PLP1: variants seen among roughly 807,000 people sequenced by gnomAD.
PLP1 encodes the protein proteolipid protein 1.
PLP1 carries 2 observed loss-of-function variants against 18.5 expected under a neutral mutation model. The ratio of observed to expected loss-of-function variants is 0.11; its 90% CI spans 0.04 to 0.34. PLP1 has a LOEUF of 0.34. PLP1 is among the 10% of genes least tolerant of loss of function. The probability of loss-of-function intolerance (pLI) is 1.00; values close to 1 mark genes in which losing one functional copy is unlikely to be tolerated. For synonymous variants in PLP1, 86 were observed against 83.2 expected, an observed-to-expected ratio of 1.03 and a Z score of -0.19; for missense variants, 105 against 207.3, an observed-to-expected ratio of 0.51 and a Z score of 3.03.
rs747254687 is a variant in PLP1 at position 103,785,779 on chromosome X, G to A, written c.191+11G>A. 8.4e-7 allele frequency: 1 copy of A among 1,185,807 alleles called. No homozygotes were observed. Among genetic ancestry groups the A allele is most frequent in the Non-Finnish European group, 1.1e-6 (1 of 871,896 alleles). On this transcript the variant is annotated intron_variant, in intron 2 of 6. Transcript: ENST00000621218. The stretch of plus-strand genomic sequence containing the variant: ...GTATCTCATCAATGTGTAAGTACCT[G>A]CCCTCCCACACAGACCCATCTTTTT...
In PLP1 at chrX:103,785,948, A is replaced by G; in HGVS notation, c.191+180A>G. 7 of 703,753 alleles carry G rather than the reference A, an allele frequency of 9.9e-6. No individual in the cohort carries two copies. In the South Asian group the frequency reaches 1.9e-4, roughly 19 times the overall value. The allele number at this position is 703,753 out of a possible 1,213,427, so 58.0% of individuals were successfully genotyped here. ...CACATTCGAAGCCCATTCAGAAAGG[A>G]GGGGTCTGCCTGCCTGCCTGTCAGC... is the stretch of plus-strand genomic sequence containing the variant. On this transcript the variant is annotated intron_variant, in intron 2 of 6. Transcript: ENST00000621218.
chrX:103,778,115 C>T (rs906651491), intron 1 of PLP1, among the ~76,000 whole-genome samples: 4 of 112,073 alleles, frequency 3.6e-5, no homozygotes, highest in African/African-American at 1.3e-4. Flanking sequence ...AATCCCAGAT[C>T]TGCTACTTAT....
chrX:103,786,136 A>G, intron 2 of PLP1: 1 of 1,098,353 alleles, frequency 9.1e-7, no homozygotes, highest in Non-Finnish European at 1.2e-6. Flanking sequence ...CTGTTCCTTC[A>G]CCCACCTTTC....
At chrX:103,782,561 C>T (rs768223265) in intron 1 of PLP1, among the ~76,000 whole-genome samples, 4 of 111,952 alleles carry the variant, frequency 3.6e-5, no homozygotes, top group Non-Finnish European at 7.5e-5. Context: ...TCCCTCTCAT[C>T]TTTGCAACCC....
rs918999295 is a variant in PLP1 at position 103,790,691 on chromosome X, A to G, written c.*93A>G. Reference sequence around the variant, plus strand: ...CCCATCTTAACTCTTTGCCTTTGCCACCAACTGGCCCTCTTCTTACTTGAT... The same window carrying G: ...CCCATCTTAACTCTTTGCCTTTGCCGCCAACTGGCCCTCTTCTTACTTGAT... On this transcript the variant is annotated 3_prime_UTR_variant, in exon 7 of 7. Coordinates refer to ENST00000621218, the MANE Select transcript of PLP1 (RefSeq NM_000533.5). 3.0e-6 allele frequency: 2 copies of G among 657,916 alleles called. No individual in the cohort carries two copies. The highest frequency in any genetic ancestry group is 2.6e-6 in the Non-Finnish European group (1 of 390,636). The allele number at this position is 657,916 out of a possible 1,213,427, so 54.2% of individuals were successfully genotyped here. A position where few individuals can be genotyped will look rare whatever the true frequency, so the allele number is the denominator to read the frequency against.
At chrX:103,785,859 A>T in intron 2 of PLP1, 91 bp downstream of exon 2, 1 of 871,272 alleles carries the variant, frequency 1.1e-6, no homozygotes, top group South Asian at 2.0e-5. Flanking sequence ...AGTAACTAGC[A>T]GGGGACTGGG....
chrX:103,786,088 G>A (rs1480597919), intron 2 of PLP1: 3 of 1,065,736 alleles, frequency 2.8e-6, no homozygotes, highest in Non-Finnish European at 3.6e-6. Flanking sequence ...GCCAAGGGAG[G>A]CACTAAGCCT....
chrX:103,776,728 A>G (rs2074413470), upstream of PLP1: 1 of 342,589 alleles, frequency 2.9e-6, no homozygotes, highest in Non-Finnish European at 5.1e-6. Flanking sequence ...TGGAGCCCTT[A>G]GAGAAGGGAG....
intron 1 of PLP1, among the ~76,000 whole-genome samples, chrX:103,781,906 A>G (rs771884223): frequency 2.7e-5 from 3 of 111,543 alleles, no homozygotes; most frequent in South Asian, 7.6e-4. Flanking sequence ...CTTGAATCAA[A>G]CTCACACCCT....
intron 5 of PLP1, chrX:103,788,948 G>A: frequency 3.4e-6 from 1 of 294,935 alleles, no homozygotes; most frequent in Non-Finnish European, 6.0e-6. Context: ...GGAAAGCACT[G>A]TATTGAGAAC....
intron 1 of PLP1, 130 bp from the exon 2 acceptor site, chrX:103,785,452 C>A: frequency 1.8e-6 from 1 of 556,471 alleles, no homozygotes; most frequent in Non-Finnish European, 3.1e-6. Flanking sequence ...AAACCTCTAG[C>A]CGCTCCTGCT....
intron 2 of PLP1, 76 bp downstream of exon 2, chrX:103,785,844 A>G (rs2074491433): frequency 1.1e-6 from 1 of 921,484 alleles, no homozygotes; most frequent in Admixed American, 2.2e-5. Context: ...ACTCTTCAGT[A>G]CCTTAGTAAC....
At chrX:103,787,664 C>T (rs1290578550) in intron 3 of PLP1, 134 bp from the exon 4 acceptor site, 12 of 575,543 alleles carry the variant, frequency 2.1e-5, no homozygotes, top group Non-Finnish European at 3.4e-5. Flanking sequence ...GCCCTGCTCA[C>T]TAATTTCATT....
rs750987027 is a variant in PLP1 at position 103,790,907 on chromosome X, T to C, written c.*309T>C. 47 of 323,860 alleles carry C rather than the reference T, an allele frequency of 1.5e-4. No individual in the cohort carries two copies. The Admixed American group carries it at 1.8e-3, about 12-fold the overall frequency. The allele number at this position is 323,860 out of a possible 1,213,427, so 26.7% of individuals were successfully genotyped here. A position where few individuals can be genotyped will look rare whatever the true frequency, so the allele number is the denominator to read the frequency against. ...TCTAATTGAATTTTCAAGCATCTCC[T>C]GAGGATCAGAAAGTAATTTCTTCTC... On this transcript the variant is annotated 3_prime_UTR_variant, in exon 7 of 7. Coordinates refer to ENST00000621218, the MANE Select transcript of PLP1 (RefSeq NM_000533.5).
chrX:103,780,362 A>G lies in PLP1; in HGVS notation c.4+3363A>G, dbSNP rs752563088. 9.8e-5 allele frequency: 11 copies of G among 111,831 alleles called. No individual in the cohort carries two copies. The East Asian group carries it at 3.1e-3, about 32-fold the overall frequency. 9.2% of individuals were successfully genotyped at this position (111,831 alleles called of 1,213,427 possible). A position where few individuals can be genotyped will look rare whatever the true frequency, so the allele number is the denominator to read the frequency against. On this transcript the variant is annotated intron_variant, in intron 1 of 6. Coordinates refer to ENST00000621218, the MANE Select transcript of PLP1 (RefSeq NM_000533.5). ...AGACAATGTGCCAAGGATAAGTTTT[A>G]ACAATCAAAGTCCTACCTCAGCTTC...
chrX:103,776,734 G>A, upstream of PLP1: 2 of 345,792 alleles, frequency 5.8e-6, no homozygotes, highest in Non-Finnish European at 9.9e-6. Context: ...CCTTAGAGAA[G>A]GGAGTATCCC....
chrX:103,789,315 T>G lies in PLP1; in HGVS notation c.697-18T>G. The stretch of plus-strand genomic sequence containing the variant: ...TGCTGTTGCAAGAAACAGTTCTTCC[T>G]CTTTCATTTTCCTGCAGTTCCAAAT... On this transcript the variant is annotated intron_variant, in intron 5 of 6. Transcript: ENST00000621218. The G allele has an allele frequency of 8.5e-7, 1 of 1,170,885 alleles. No individual in the cohort carries two copies. The highest frequency in any genetic ancestry group is 1.2e-6 in the Non-Finnish European group (1 of 857,799).
At chrX:103,785,864 A>G (rs1480107939) in intron 2 of PLP1, 96 bp downstream of exon 2, 2 of 836,559 alleles carry the variant, frequency 2.4e-6, no homozygotes, top group Non-Finnish European at 3.6e-6. Flanking sequence ...CTAGCAGGGG[A>G]CTGGGGTGGA....
At chrX:103,777,468 C>T (rs997668202) in intron 1 of PLP1, among the ~76,000 whole-genome samples, 3 of 112,042 alleles carry the variant, frequency 2.7e-5, no homozygotes, top group African/African-American at 9.7e-5. Flanking sequence ...ATCGGGCAAG[C>T]TGGACTCAGG....
Sources: gnomAD v4.1 joint callset for allele counts (sites outside exome capture counted in the v4.1 genomes callset) on GRCh38, gnomAD v4.1.1 for gene constraint, MANE v1.5 for transcripts, NCBI Gene and HGNC (gene_info 2026-07-23, HGNC 2026-07-21) for gene names.